NFIB: variants seen among roughly 807,000 people sequenced by gnomAD.
NFIB encodes the protein nuclear factor 1 B-type.
A neutral mutation model predicts 61.5 loss-of-function variants in NFIB; 11 were observed. That is an observed-to-expected ratio of 0.18 (90% CI 0.11 to 0.30). NFIB has a LOEUF of 0.30. NFIB is among the 10% of genes least tolerant of loss of function. The probability of loss-of-function intolerance (pLI) is 1.00; values close to 1 mark genes in which losing one functional copy is unlikely to be tolerated. For missense variants in NFIB, 471 were observed against 608.9 expected (o/e 0.77, Z 2.38); for synonymous variants, 260 against 216.5 (o/e 1.20, Z -1.76).
chr9:14,232,976 C>A (rs1306533489), intron 2 of NFIB, among the ~76,000 whole-genome samples: 2 of 152,320 alleles, frequency 1.3e-5, no homozygotes, highest in East Asian at 3.9e-4. Flanking sequence ...TGGGACAGGT[C>A]AAGAGGGCGG....
intron 6 of NFIB, among the ~76,000 whole-genome samples, chr9:14,134,156 G>C (rs1439512001): frequency 6.6e-6 from 1 of 152,182 alleles, no homozygotes; most frequent in African/African-American, 2.4e-5. Flanking sequence ...ATTTCTGTCA[G>C]AGGACATGCT....
the NFIB span, among the ~76,000 whole-genome samples, chr9:14,437,686 G>A: frequency 0.52 from 78,698 of 151,912 alleles, 21,720 homozygotes; most frequent in Admixed American, 0.6. Context: ...GCCCGGGACC[G>A]GAGGGGGTCC....
At chr9:14,115,975 C>T (rs945713446) in intron 9 of NFIB, among the ~76,000 whole-genome samples, 1 of 152,226 alleles carries the variant, frequency 6.6e-6, no homozygotes, top group African/African-American at 2.4e-5. Flanking sequence ...AAGTGAGCTT[C>T]TCCCTTTTCA....
intron 2 of NFIB, among the ~76,000 whole-genome samples, chr9:14,272,296 G>A (rs755363981): frequency 7.2e-5 from 11 of 151,978 alleles, no homozygotes; most frequent in Non-Finnish European, 1.2e-4. Context: ...TAAAATGCAA[G>A]TAAATTTTAA....
At position 14,332,569 on chromosome 9, in the gene NFIB, C is replaced by T. The variant is rs543801383; in HGVS notation, c.109-25049G>A. 5.6e-4 allele frequency among the ~76,000 whole-genome samples: 85 copies of T among 152,146 alleles called. No homozygotes were observed. In the South Asian group the frequency reaches 0.015, roughly 27 times the overall value. ...GCCACGCCCTGTGCTCAAGTTGAGA[C>T]GGGAGCAGTGAGGACCGGAGCAGTG... On this transcript the variant is annotated intron_variant, in intron 1 of 8. Coordinates refer to the NFIB transcript ENST00000380934.
Position 14,125,750 on chromosome 9 carries a change from A to G in NFIB, c.942T>C (p.Thr314=), listed in dbSNP as rs1158547414. The G allele has an allele frequency of 6.2e-7, 1 of 1,614,122 alleles. No individual in the cohort carries two copies. Among genetic ancestry groups the G allele is most frequent in the South Asian group, 1.1e-5 (1 of 91,076 alleles). The change falls in exon 7 of 11, where the codon ACT becomes ACC. Residue 314 remains threonine, a synonymous_variant. Coordinates refer to ENST00000380953, the MANE Select transcript of NFIB (RefSeq NM_001190737.2). ...HERDQDMSSP[T]TMKKPEKPLF... is the part of the protein sequence containing the mutation. ...ATGGCTTTTCAGGCTTCTTCATAGT[A>G]GTCGGAGAAGACATATCTGCGAGAA...
chr9:14,181,594 G>C (rs1478269131), intron 2 of NFIB, among the ~76,000 whole-genome samples: 1 of 152,182 alleles, frequency 6.6e-6, no homozygotes, highest in Non-Finnish European at 1.5e-5. Flanking sequence ...ACATAAAAAT[G>C]ATAAATCATA....
chr9:14,451,044 C>G, the NFIB span, among the ~76,000 whole-genome samples: 1 of 152,182 alleles, frequency 6.6e-6, no homozygotes, highest in Admixed American at 6.5e-5. Context: ...GGATTTTGGT[C>G]CAGGTGCTGG....
chr9:14,197,192 A>T (rs2131599155), intron 2 of NFIB, among the ~76,000 whole-genome samples: 1 of 152,366 alleles, frequency 6.6e-6, no homozygotes, highest in East Asian at 1.9e-4. Context: ...CAACTTGCAG[A>T]GTAATAGAAA....
At chr9:14,289,721 T>C (rs944993169) in intron 2 of NFIB, among the ~76,000 whole-genome samples, 1 of 151,966 alleles carries the variant, frequency 6.6e-6, no homozygotes, top group Non-Finnish European at 1.5e-5. Flanking sequence ...ATATTACCAG[T>C]GAAATGATTT....
chr9:14,319,792 A>T (rs1655563146), intron 1 of NFIB, among the ~76,000 whole-genome samples: 1 of 152,236 alleles, frequency 6.6e-6, no homozygotes, highest in African/African-American at 2.4e-5. Flanking sequence ...TTCTTTGAAA[A>T]CTGCATAACA....
the NFIB span, among the ~76,000 whole-genome samples, chr9:14,462,913 T>C: frequency 3.3e-5 from 5 of 152,230 alleles, no homozygotes; most frequent in African/African-American, 1.2e-4. Context: ...GCAGAGACAA[T>C]GTCACATTCA....
chr9:14,189,640 T>C (rs1196981630), intron 2 of NFIB, among the ~76,000 whole-genome samples: 16 of 151,186 alleles, frequency 1.1e-4, no homozygotes, highest in African/African-American at 3.9e-4. Flanking sequence ...GCACTGCCCC[T>C]TGCAAACGCT....
chr9:14,275,047 T>G (rs944079408), intron 2 of NFIB, among the ~76,000 whole-genome samples: 3 of 152,212 alleles, frequency 2.0e-5, no homozygotes, highest in African/African-American at 7.2e-5. Flanking sequence ...ATGAAGCTGA[T>G]AAGATCTATG....
At chr9:14,254,492 C>T (rs1008851056) in intron 2 of NFIB, among the ~76,000 whole-genome samples, 1 of 152,102 alleles carries the variant, frequency 6.6e-6, no homozygotes, top group Non-Finnish European at 1.5e-5. Context: ...GACATAAGCA[C>T]ATAAGCATGG....
chr9:14,129,164 CTT>C (rs1409295508), intron 6 of NFIB, among the ~76,000 whole-genome samples: 1 of 151,996 alleles, frequency 6.6e-6, no homozygotes, highest in Admixed American at 6.5e-5. Flanking sequence ...ACAAAAGTAA[CTT>C]ATAATAGTAA....
chr9:14,469,848 A>G, the NFIB span, among the ~76,000 whole-genome samples: 3 of 152,242 alleles, frequency 2.0e-5, no homozygotes, highest in Non-Finnish European at 4.4e-5. Context: ...ATTAGAACCA[A>G]ATCATATAAA....
intron 1 of NFIB, among the ~76,000 whole-genome samples, chr9:14,320,360 T>G (rs750052622): frequency 6.6e-6 from 1 of 152,238 alleles, no homozygotes; most frequent in Non-Finnish European, 1.5e-5. Flanking sequence ...AAAGTACTTT[T>G]TCCTGTGTTC....
chr9:14,396,080 C>G (rs1241434304), intron 1 of NFIB, among the ~76,000 whole-genome samples: 2 of 152,122 alleles, frequency 1.3e-5, no homozygotes, highest in Admixed American at 1.3e-4. Context: ...CAGCCGATTC[C>G]TATATCTATA....
Sources: gnomAD v4.1 joint callset for allele counts (sites outside exome capture counted in the v4.1 genomes callset) on GRCh38, gnomAD v4.1.1 for gene constraint, MANE v1.5 for transcripts, NCBI Gene and HGNC (gene_info 2026-07-23, HGNC 2026-07-21) for gene names.